EEFSEC: variants seen among roughly 807,000 people sequenced by gnomAD.
EEFSEC encodes selenocysteine-specific elongation factor.
EEFSEC carries 43 observed loss-of-function variants against 42.1 expected under a neutral mutation model. That is an observed-to-expected ratio of 1.02 (90% confidence interval 0.80 to 1.32). The LOEUF is 1.32. EEFSEC is among the 40% of genes most tolerant of loss of function. The pLI, the probability that EEFSEC is intolerant of heterozygous loss-of-function variation, is 0.00. For synonymous variants in EEFSEC, 354 were observed against 339.1 expected (o/e 1.04, Z -0.48); for missense variants, 745 against 803.6 (o/e 0.93, Z 0.88).
chr3:128,296,514 A>C (rs530179951), intron 4 of EEFSEC, among the ~76,000 whole-genome samples: 1 of 152,170 alleles, frequency 6.6e-6, no homozygotes, highest in East Asian at 1.9e-4. Flanking sequence ...AGCAAACTGT[A>C]GTTCTCCTGT....
the EEFSEC span, among the ~76,000 whole-genome samples, chr3:128,417,554 C>T: frequency 6.6e-6 from 1 of 152,130 alleles, no homozygotes; most frequent in African/African-American, 2.4e-5. This position sits in a 1 kb window ranked among gnomAD's most constrained non-coding sequence, Gnocchi z 4.3. Context: ...GCCTGTCGAC[C>T]TCATTTACTG....
intron 6 of EEFSEC, among the ~76,000 whole-genome samples, chr3:128,390,811 C>T (rs1318994100): frequency 1.3e-5 from 2 of 152,222 alleles, no homozygotes; most frequent in Non-Finnish European, 2.9e-5. Context: ...CCCATGATCA[C>T]CCCGGCTCCA....
chr3:128,362,138 G>A (rs765838983), intron 6 of EEFSEC: 21 of 455,704 alleles, frequency 4.6e-5, no homozygotes, highest in South Asian at 1.3e-4. Flanking sequence ...GGGAGGCTGC[G>A]CTCCCAAAGC....
At position 128,408,179 on chromosome 3, in the gene EEFSEC, C is replaced by G. The variant is rs1274313621; in HGVS notation, c.1711C>G (p.Pro571Ala). Reference protein sequence around the residue: ...RQEESAERSEPSQHVVLSLTF... With the variant: ...RQEESAERSEASQHVVLSLTF... ...GGAGGAGAGCGCCGAGCGGAGCGAG[C>G]CCTCACAGCATGTGGTGCTCAGCCT... is the stretch of plus-strand genomic sequence containing the variant. Residue 571 changes from proline (P) to alanine (A), a missense_variant, in exon 7 of 7, where the codon CCC becomes GCC. Coordinates refer to ENST00000254730, the MANE Select transcript of EEFSEC (RefSeq NM_021937.5). The G allele has an allele frequency of 1.2e-6, 2 of 1,612,678 alleles. No homozygotes were observed. Among genetic ancestry groups the G allele is most frequent in the African/African-American group, 2.7e-5 (2 of 74,864 alleles).
intron 4 of EEFSEC, among the ~76,000 whole-genome samples, chr3:128,288,581 G>C (rs1438383901): frequency 6.6e-6 from 1 of 152,194 alleles, no homozygotes; most frequent in Non-Finnish European, 1.5e-5. Flanking sequence ...GAGATTTGGG[G>C]CTCACTGTGG....
the EEFSEC span, among the ~76,000 whole-genome samples, chr3:128,414,645 A>C: frequency 2.9e-4 from 44 of 152,310 alleles, 2 homozygotes; most frequent in South Asian, 8.9e-3. Context: ...CACTAAGCTC[A>C]CCATCATTCC....
intron 1 of EEFSEC, among the ~76,000 whole-genome samples, chr3:128,214,191 A>G (rs1226348038): frequency 1.3e-5 from 2 of 152,254 alleles, no homozygotes; most frequent in Admixed American, 6.5e-5. Context: ...TCCTTTTTAT[A>G]TATCAGCATT....
In EEFSEC at chr3:128,259,179, C is replaced by A. The variant is rs1225579117; in HGVS notation, c.525-2949C>A. Among the ~76,000 whole-genome samples the A allele has an allele frequency of 2.0e-5, 3 of 152,310 alleles. No individual in the cohort carries two copies. The East Asian group carries it at 5.8e-4, about 29-fold the overall frequency. On this transcript the variant is annotated intron_variant, in intron 2 of 6. Coordinates refer to ENST00000254730, the MANE Select transcript of EEFSEC (RefSeq NM_021937.5). ...AAGGTCCTGTCTCTTTCTGCCACTC[C>A]CACTGTGTTGCATGCTAGACTATAT...
intron 6 of EEFSEC, among the ~76,000 whole-genome samples, chr3:128,391,664 C>T (rs752189174): frequency 3.9e-5 from 6 of 152,232 alleles, no homozygotes; most frequent in African/African-American, 9.6e-5. Flanking sequence ...TCCTGGCACC[C>T]GTTCCTATCA....
intron 1 of EEFSEC, among the ~76,000 whole-genome samples, chr3:128,201,531 C>G (rs966454770): frequency 6.6e-6 from 1 of 152,052 alleles, no homozygotes; most frequent in African/African-American, 2.4e-5. Flanking sequence ...AAGCAGCTTT[C>G]AAATCTTTTG....
intron 2 of EEFSEC, among the ~76,000 whole-genome samples, chr3:128,250,406 A>G (rs2107905748): frequency 6.6e-6 from 1 of 151,982 alleles, no homozygotes; most frequent in African/African-American, 2.4e-5. Flanking sequence ...TAGGTCTTTG[A>G]TCATTTTGAG....
intron 6 of EEFSEC, among the ~76,000 whole-genome samples, chr3:128,389,668 C>T (rs1378043691): frequency 6.6e-6 from 1 of 152,242 alleles, no homozygotes. Flanking sequence ...TTTTGGTTTT[C>T]ACTGGACGTG....
chr3:128,268,379 T>A (rs2066377569), intron 4 of EEFSEC, among the ~76,000 whole-genome samples: 1 of 152,154 alleles, frequency 6.6e-6, no homozygotes, highest in Admixed American at 6.5e-5. Flanking sequence ...TTAGAGTTAA[T>A]GGCCTAATGG....
chr3:128,199,488 C>A (rs1433528758), intron 1 of EEFSEC, among the ~76,000 whole-genome samples: 1 of 152,160 alleles, frequency 6.6e-6, no homozygotes, highest in Non-Finnish European at 1.5e-5. Context: ...TCAGAGAGTT[C>A]AAATTCACTC....
In EEFSEC at chr3:128,194,360, C is replaced by T. The variant is rs561845998; in HGVS notation, c.316+40537C>T. Reference sequence around the variant, plus strand: ...TTCCCAGCACAGGATGGAAAAGGCTCCTCTGGGAGGCATCTGCAGGTCAGA... The same window carrying T: ...TTCCCAGCACAGGATGGAAAAGGCTTCTCTGGGAGGCATCTGCAGGTCAGA... On this transcript the variant is annotated intron_variant, in intron 1 of 6. Transcript: ENST00000254730. Among the ~76,000 whole-genome samples the T allele has an allele frequency of 1.2e-4, 19 of 152,282 alleles. No individual in the cohort carries two copies. In the South Asian group the frequency reaches 3.5e-3, roughly 28 times the overall value.
chr3:128,186,844 G>C (rs568803415), intron 1 of EEFSEC, among the ~76,000 whole-genome samples: 98 of 152,188 alleles, frequency 6.4e-4, no homozygotes, highest in Non-Finnish European at 1.1e-3. Context: ...CAGCGGCTTA[G>C]GGATTAGGTA....
chr3:128,360,395 C>T (rs966663025), intron 6 of EEFSEC, among the ~76,000 whole-genome samples: 2 of 152,192 alleles, frequency 1.3e-5, no homozygotes, highest in Admixed American at 1.3e-4. Flanking sequence ...GGAAGGATCC[C>T]GGGATTCTTC....
chr3:128,199,596 G>A (rs969727741), intron 1 of EEFSEC, among the ~76,000 whole-genome samples: 1 of 152,162 alleles, frequency 6.6e-6, no homozygotes, highest in Admixed American at 6.5e-5. Flanking sequence ...CTAGGTGAAC[G>A]TAATCTCTTT....
chr3:128,194,219 G>T (rs2065557620), intron 1 of EEFSEC, among the ~76,000 whole-genome samples: 1 of 152,198 alleles, frequency 6.6e-6, no homozygotes, highest in South Asian at 2.1e-4. Flanking sequence ...AGGCTGGGAG[G>T]TGTCTGAGCC....
Sources: gnomAD v4.1 joint callset for allele counts (sites outside exome capture counted in the v4.1 genomes callset) on GRCh38, gnomAD v4.1.1 for gene constraint, Gnocchi (gnomAD v3.1) non-coding constraint, MANE v1.5 for transcripts, NCBI Gene and HGNC (gene_info 2026-07-23, HGNC 2026-07-21) for gene names.